Variants in RIN3 observed in about 807,000 individuals in gnomAD.
RIN3 encodes Ras and Rab interactor 3, also known as RAB5 interacting protein 3.
Under a neutral mutation model 76.3 loss-of-function variants are expected in RIN3, and 54 were observed. The observed-to-expected ratio is 0.71, with a 90% CI of 0.57 to 0.89. The LOEUF is 0.89. RIN3 is among the 40% of genes least tolerant of loss of function. The pLI, the probability that RIN3 is intolerant of heterozygous loss-of-function variation, is 0.00. For synonymous variants in RIN3, 576 were observed against 564.0 expected (o/e 1.02, Z -0.30); for missense variants, 1,256 against 1,322.1 (o/e 0.95, Z 0.78).
chr14:92,588,218 T>G (rs1884848561), intron 3 of RIN3, among the ~76,000 whole-genome samples: 1 of 56,146 alleles, frequency 1.8e-5, no homozygotes, highest in Non-Finnish European at 4.0e-5. Context: ...AGCACTCTTT[T>G]TTTTTTTTTT....
chr14:92,609,691 T>C (rs1425039598), intron 3 of RIN3, among the ~76,000 whole-genome samples: 1 of 151,914 alleles, frequency 6.6e-6, no homozygotes. Context: ...ACTAGTAGGG[T>C]TTTGATCTGC....
intron 2 of RIN3, among the ~76,000 whole-genome samples, chr14:92,572,045 A>G (rs1898074044): frequency 6.6e-6 from 1 of 152,236 alleles, no homozygotes; most frequent in South Asian, 2.1e-4. Flanking sequence ...AGCAGGAACA[A>G]AAGGAAGGAA....
At chr14:92,620,415 T>C (rs1241523735) in intron 4 of RIN3, among the ~76,000 whole-genome samples, 1 of 152,232 alleles carries the variant, frequency 6.6e-6, no homozygotes, top group Non-Finnish European at 1.5e-5. Context: ...ACACTTAAAT[T>C]ATCAGGAAGC....
intron 2 of RIN3, among the ~76,000 whole-genome samples, chr14:92,570,349 C>T (rs545755047): frequency 1.3e-5 from 2 of 152,292 alleles, no homozygotes; most frequent in African/African-American, 4.8e-5. Context: ...CACACACTCA[C>T]ACACACTGTC....
chr14:92,585,915 G>T (rs1351899391), intron 3 of RIN3, among the ~76,000 whole-genome samples: 1 of 152,208 alleles, frequency 6.6e-6, no homozygotes, highest in Non-Finnish European at 1.5e-5. Flanking sequence ...TCAGCAGTGA[G>T]GAAGTACTGA....
chr14:92,686,789 T>C (rs1888872507), intron 9 of RIN3: 1 of 152,932 alleles, frequency 6.5e-6, no homozygotes, highest in African/African-American at 2.4e-5. Flanking sequence ...GTGGGCACCC[T>C]TCCCTGGGGA....
chr14:92,677,560 G>A (rs141536600), intron 8 of RIN3, among the ~76,000 whole-genome samples: 1 of 152,098 alleles, frequency 6.6e-6, no homozygotes, highest in Admixed American at 6.5e-5. Flanking sequence ...TTAAAGCCAT[G>A]ACGTTTGCTG....
chr14:92,530,068 A>G (rs1896845288), intron 1 of RIN3, among the ~76,000 whole-genome samples: 2 of 152,326 alleles, frequency 1.3e-5, no homozygotes, highest in African/African-American at 4.8e-5. Context: ...TGGTGACTTT[A>G]CAAAACAAAA....
chr14:92,652,123 G>A lies in RIN3; in HGVS notation c.1074G>A (p.Ala358=), dbSNP rs748276702. 13 of 1,608,274 alleles carry A rather than the reference G, an allele frequency of 8.1e-6. No individual in the cohort carries two copies. In the East Asian group the frequency reaches 1.6e-4, roughly 19 times the overall value. ...TAGLGPLREE[A]MKPGAASSPL... is the part of the protein sequence containing the mutation. ...GCCTGGGCCCCCTCAGGGAGGAAGCGATGAAGCCAGGGGCAGCCTCCAGTC... is the reference window on the plus strand; with the variant it reads ...GCCTGGGCCCCCTCAGGGAGGAAGCAATGAAGCCAGGGGCAGCCTCCAGTC... The change falls in exon 6 of 10, where the codon GCG becomes GCA. Residue 358 remains alanine, a synonymous_variant. Coordinates refer to ENST00000216487, the MANE Select transcript of RIN3 (RefSeq NM_024832.5). This position sits in a 1 kb window ranked among gnomAD's most constrained non-coding sequence, Gnocchi z 6.4.
chr14:92,528,211 G>A lies in RIN3; in HGVS notation c.44+14235G>A, dbSNP rs577464244. Among the ~76,000 whole-genome samples the A allele has an allele frequency of 1.1e-4, 16 of 152,310 alleles. No individual in the cohort carries two copies. The Middle Eastern group carries it at 0.01, about 97-fold the overall frequency. On this transcript the variant is annotated intron_variant, in intron 1 of 9. Transcript: ENST00000216487. Reference sequence around the variant, plus strand: ...GCCTGGCAGGAGATGGGTGTGCCCCGTGGGGGCGGGGAGGCCGCCTTTATT... The same window carrying A: ...GCCTGGCAGGAGATGGGTGTGCCCCATGGGGGCGGGGAGGCCGCCTTTATT...
intron 5 of RIN3, chr14:92,645,245 C>T (rs757092182): frequency 7.2e-5 from 11 of 152,202 alleles, no homozygotes; most frequent in Non-Finnish European, 1.5e-4. Flanking sequence ...AGTGATGAGG[C>T]CCTGTGAGCC....
intron 2 of RIN3, among the ~76,000 whole-genome samples, chr14:92,567,973 A>G (rs1008475964): frequency 1.8e-4 from 28 of 152,178 alleles, no homozygotes; most frequent in African/African-American, 6.0e-4. Context: ...TTTTATATAC[A>G]TGATCAGCAA....
intron 4 of RIN3, among the ~76,000 whole-genome samples, chr14:92,621,421 G>A (rs1886179200): frequency 6.6e-6 from 1 of 152,100 alleles, no homozygotes; most frequent in South Asian, 2.1e-4. Flanking sequence ...TGCCCAAGGT[G>A]GTTGGGGTGC....
intron 8 of RIN3, among the ~76,000 whole-genome samples, chr14:92,677,875 CCTATCCAT>C (rs1178162481): frequency 2.7e-5 from 4 of 148,926 alleles, no homozygotes; most frequent in African/African-American, 7.5e-5. Context: ...CATCCACCCA[CCTATCCAT>C]CTATCCATCT....
chr14:92,555,681 A>C (rs1482295104), intron 1 of RIN3, 70 bp from the exon 2 acceptor site: 1 of 1,439,738 alleles, frequency 6.9e-7, no homozygotes, highest in African/African-American at 1.4e-5. Flanking sequence ...GGCTGAATGG[A>C]ATCCCCAGGT....
In RIN3 at chr14:92,652,099, C is replaced by T. The variant is rs930019739; in HGVS notation, c.1050C>T (p.Gly350=). 26 of 1,606,216 alleles carry T rather than the reference C, an allele frequency of 1.6e-5. No individual in the cohort carries two copies. The highest frequency in any genetic ancestry group is 2.2e-5 in the Non-Finnish European group (26 of 1,179,832). ...AGAGACTCCCATGCCCCACTGCAGG[C>T]CTGGGCCCCCTCAGGGAGGAAGCGA... ...TCERLPCPTA[G]LGPLREEAMK... is the part of the protein sequence containing the mutation. The change falls in exon 6 of 10, where the codon GGC becomes GGT. Residue 350 remains glycine (G), a synonymous_variant. Transcript: ENST00000216487. This position sits in a 1 kb window ranked among gnomAD's most constrained non-coding sequence, Gnocchi z 6.4.
chr14:92,610,790 A>G (rs541899997), intron 3 of RIN3, among the ~76,000 whole-genome samples: 61 of 152,234 alleles, frequency 4.0e-4, no homozygotes, highest in South Asian at 2.7e-3. Context: ...CAGCCAACAG[A>G]CAGGATTTCT....
intron 4 of RIN3, among the ~76,000 whole-genome samples, chr14:92,616,989 C>T (rs1885993388): frequency 6.6e-6 from 1 of 152,154 alleles, no homozygotes; most frequent in South Asian, 2.1e-4. Context: ...AAACAACAGC[C>T]TGCCAGAATT....
At chr14:92,525,089 C>G (rs1045442287) in intron 1 of RIN3, among the ~76,000 whole-genome samples, 1 of 152,210 alleles carries the variant, frequency 6.6e-6, no homozygotes, top group Non-Finnish European at 1.5e-5. Flanking sequence ...TGGGTAGGGG[C>G]TGAACTTTCA....
Sources: gnomAD v4.1 joint callset for allele counts (sites outside exome capture counted in the v4.1 genomes callset) on GRCh38, gnomAD v4.1.1 for gene constraint, Gnocchi (gnomAD v3.1) non-coding constraint, MANE v1.5 for transcripts, NCBI Gene and HGNC (gene_info 2026-07-23, HGNC 2026-07-21) for gene names.